Variants in ABCC6 observed in about 807,000 individuals in gnomAD.
ABCC6 encodes ATP binding cassette subfamily C member 6, also known as ATP-binding cassette sub-family C member 6.
In ABCC6, 126 loss-of-function variants were observed where a neutral mutation model predicts 169.5. The observed-to-expected ratio is 0.74, with a 90% CI of 0.64 to 0.86. The LOEUF (loss-of-function observed/expected upper bound fraction) is 0.86, where lower values mean the gene tolerates loss of function less well. Ranked by LOEUF, ABCC6 falls within the 40% of genes least tolerant of loss-of-function variation. The probability of loss-of-function intolerance (pLI) is 0.00; values close to 1 mark genes in which losing one functional copy is unlikely to be tolerated. For synonymous variants in ABCC6, 752 were observed against 814.7 expected (o/e 0.92, Z 1.31); for missense variants, 1,733 against 1,927.2 (o/e 0.90, Z 1.89).
chr16:16,165,061 G>A (rs1353118940), intron 23 of ABCC6, among the ~76,000 whole-genome samples: 1 of 152,228 alleles, frequency 6.6e-6, no homozygotes, highest in Non-Finnish European at 1.5e-5. Context: ...TAATTGGAGA[G>A]GAAGAAATTA....
chr16:16,212,551 C>T (rs552022399), intron 5 of ABCC6, among the ~76,000 whole-genome samples: 1 of 151,232 alleles, frequency 6.6e-6, no homozygotes, highest in South Asian at 2.1e-4. Context: ...CTCAAGTGAT[C>T]TGCCTATCTC....
rs2047512354 is a variant in ABCC6, at chr16:16,182,556, C to G, written c.2103G>C (p.Trp701Cys). 1 of 1,613,262 alleles carries G rather than the reference C, an allele frequency of 6.2e-7. No homozygotes were observed. The highest frequency in any genetic ancestry group is 8.5e-7 in the Non-Finnish European group (1 of 1,179,304). ...GAVAYVPQEA[W>C]VQNTSVVENV... ...TCTCTACCACAGAGGTGTTCTGCAC[C>G]CAGGCCTCCTGGGGCACGTAGGCCA... Residue 701 changes from tryptophan to cysteine, a missense_variant, in exon 17 of 31, where the codon TGG becomes TGC. This residue lies in a region of ABCC6 where 1,601 missense variants were observed against 1,635.5 expected (regional missense o/e 0.98). Transcript: ENST00000205557.
chr16:16,168,852 G>A (rs1340695156), intron 22 of ABCC6, among the ~76,000 whole-genome samples: 1 of 152,060 alleles, frequency 6.6e-6, no homozygotes. Context: ...AGGCCGAGGC[G>A]GGCAGATCAT....
intron 27 of ABCC6, among the ~76,000 whole-genome samples, chr16:16,157,116 A>C (rs1348019802): frequency 6.6e-6 from 1 of 152,000 alleles, no homozygotes; most frequent in Non-Finnish European, 1.5e-5. Flanking sequence ...ATGGGATAGT[A>C]CTAGCACCTC....
At chr16:16,198,585 C>G (rs186188640) in intron 9 of ABCC6, among the ~76,000 whole-genome samples, 2 of 152,102 alleles carry the variant, frequency 1.3e-5, no homozygotes, top group East Asian at 3.9e-4. Flanking sequence ...GCAGTGGCCT[C>G]TGCCTGTAAT....
In ABCC6 at chr16:16,150,651, G is replaced by A. The variant is rs1228655033; in HGVS notation, c.4330C>T (p.Leu1444Phe). Residue 1444 changes from leucine to phenylalanine, a missense_variant, in exon 30 of 31, where the codon CTC becomes TTC. Leu to Phe is a conservative substitution (Grantham distance 22). Coordinates refer to ENST00000205557, the MANE Select transcript of ABCC6 (RefSeq NM_001171.6). ...GTGCACTGTGCAAACCAGCTCCCGA[G>A]CATGGCCTGCATCTGCAGCTCCGTG... Reference protein sequence around the residue: ...PGTELQMQAMLGSWFAQCTVL... With the variant: ...PGTELQMQAMFGSWFAQCTVL... The A allele has an allele frequency of 2.5e-6, 4 of 1,613,446 alleles. No homozygotes were observed. Among genetic ancestry groups the A allele is most frequent in the Non-Finnish European group, 8.5e-7 (1 of 1,179,882 alleles).
At chr16:16,193,155 G>A (rs1025812741) in intron 10 of ABCC6, among the ~76,000 whole-genome samples, 2 of 152,076 alleles carry the variant, frequency 1.3e-5, no homozygotes, top group East Asian at 1.9e-4. Flanking sequence ...TAAAGAAGGC[G>A]GCCAAATCCC....
chr16:16,161,163 C>T (rs2046703839), intron 25 of ABCC6, among the ~76,000 whole-genome samples: 1 of 152,232 alleles, frequency 6.6e-6, no homozygotes, highest in African/African-American at 2.4e-5. Context: ...TATGCTTTGT[C>T]TCAACTAGTC....
chr16:16,211,907 T>C (rs929619331), intron 6 of ABCC6, among the ~76,000 whole-genome samples: 2 of 151,018 alleles, frequency 1.3e-5, no homozygotes, highest in African/African-American at 4.9e-5. Flanking sequence ...GGTTGAGTCA[T>C]CCCCATTTTA....
Position 16,149,991 on chromosome 16 carries a change from C to A in ABCC6, c.*142G>T. 1 of 1,317,704 alleles carries A rather than the reference C, an allele frequency of 7.6e-7. No homozygotes were observed. Among genetic ancestry groups the A allele is most frequent in the Non-Finnish European group, 1.1e-6 (1 of 939,422 alleles). The allele number at this position is 1,317,704 out of a possible 1,614,324, so 81.6% of individuals were successfully genotyped here. ...ATGCTCTGTGATAATTGGCCACTTT[C>A]TCTGCCATTTTCCTCCCAGAGAGCA... On this transcript the variant is annotated 3_prime_UTR_variant, in exon 31 of 31. Transcript: ENST00000205557.
Position 16,159,425 on chromosome 16 carries a change from TG to T in ABCC6, c.3735+56del, listed in dbSNP as rs749050638. The T allele has an allele frequency of 6.0e-4, 828 of 1,370,482 alleles. 1 individual carries two copies. The highest frequency in any genetic ancestry group is 1.1e-3 in the Admixed American group (50 of 44,164). The allele number at this position is 1,370,482 out of a possible 1,614,324, so 84.9% of individuals were successfully genotyped here. ...GTAGCAGATGTCAACAGGGACCCAT[TG>T]CCCCCCCCCACAATATGTCCTTGCT... On this transcript the variant is annotated intron_variant, in intron 26 of 30. Transcript: ENST00000205557.
intron 10 of ABCC6, among the ~76,000 whole-genome samples, chr16:16,197,564 G>A (rs370247716): frequency 1.3e-5 from 2 of 149,308 alleles, no homozygotes; most frequent in Non-Finnish European, 3.0e-5. Flanking sequence ...AGATGACAGG[G>A]AGCAGAAAGG....
intron 26 of ABCC6, among the ~76,000 whole-genome samples, chr16:16,158,635 C>T (rs564468553): frequency 1.8e-4 from 27 of 152,244 alleles, no homozygotes; most frequent in South Asian, 1.2e-3. Flanking sequence ...GTTACCGTTG[C>T]GTTGCTATGT....
chr16:16,155,232 A>G (rs1273303886), intron 27 of ABCC6: 1 of 643,608 alleles, frequency 1.6e-6, no homozygotes, highest in Non-Finnish European at 2.7e-6. Flanking sequence ...GTTCTTCTCT[A>G]TCTTTCCCTT....
chr16:16,187,288 G>T, intron 13 of ABCC6, 77 bp from the exon 14 acceptor site: 1 of 1,209,150 alleles, frequency 8.3e-7, no homozygotes, highest in Non-Finnish European at 1.2e-6. Context: ...GTCTCAAGAT[G>T]TGTGGCAACA....
chr16:16,169,952 G>A, intron 21 of ABCC6, 99 bp from the exon 22 acceptor site: 1 of 1,235,012 alleles, frequency 8.1e-7, no homozygotes, highest in Non-Finnish European at 1.2e-6. Context: ...CATGCCCATG[G>A]CAGATGGGAC....
At chr16:16,158,310 C>T (rs184066799) in intron 26 of ABCC6, among the ~76,000 whole-genome samples, 20 of 152,242 alleles carry the variant, frequency 1.3e-4, no homozygotes, top group East Asian at 9.7e-4. Flanking sequence ...GTAAACTCAA[C>T]GCTGTTATGT....
Position 16,169,682 on chromosome 16 carries a change from G to C in ABCC6, c.2959C>G (p.Arg987Gly). The change falls in exon 22 of 31, where the codon CGT becomes GGT. Residue 987 changes from arginine to glycine, a missense_variant. Physicochemically the swap from Arg to Gly is moderately radical, Grantham distance 125 (BLOSUM62 -2). Coordinates refer to ENST00000205557, the MANE Select transcript of ABCC6 (RefSeq NM_001171.6). The part of the protein sequence containing the change: ...VGGQQTQAAL[R>G]GGIFGLLGCL... Reference sequence around the variant, plus strand: ...CCGAGGAGCCCGAAGATCCCGCCACGCAGGGCTGCCTGCGTCTGCTGCCCA... The same window carrying C: ...CCGAGGAGCCCGAAGATCCCGCCACCCAGGGCTGCCTGCGTCTGCTGCCCA... 1 of 1,611,352 alleles carries C rather than the reference G, an allele frequency of 6.2e-7. No individual in the cohort carries two copies. Among genetic ancestry groups the C allele is most frequent in the African/African-American group, 1.3e-5 (1 of 75,010 alleles).
chr16:16,192,480 G>A (rs906534853), intron 11 of ABCC6, among the ~76,000 whole-genome samples: 2 of 152,152 alleles, frequency 1.3e-5, no homozygotes, highest in Non-Finnish European at 2.9e-5. Context: ...TTGCTGCTGT[G>A]ACCTGGGTTA....
Sources: gnomAD v4.1 joint callset for allele counts (sites outside exome capture counted in the v4.1 genomes callset) on GRCh38, gnomAD v4.1.1 for gene constraint, gnomAD v4.1.1 regional missense constraint, MANE v1.5 for transcripts, NCBI Gene and HGNC (gene_info 2026-07-23, HGNC 2026-07-21) for gene names.